Variants in SPAG9 observed in about 807,000 individuals in gnomAD.
The protein encoded by SPAG9 is C-Jun-amino-terminal kinase-interacting protein 4.
Under a neutral mutation model 166.5 loss-of-function variants are expected in SPAG9, and 35 were observed. The observed-to-expected ratio is 0.21, with a 90% CI of 0.16 to 0.28. The LOEUF (loss-of-function observed/expected upper bound fraction) is 0.28. Ranked by LOEUF, SPAG9 falls within the 10% of genes least tolerant of loss-of-function variation. SPAG9 has a pLI of 1.00. For synonymous variants in SPAG9, 534 were observed against 565.5 expected, an observed-to-expected ratio of 0.94 and a Z score of 0.79; for missense variants, 1,235 against 1,603.3, an observed-to-expected ratio of 0.77 and a Z score of 3.92.
rs2143505848 is a variant in SPAG9 at position 50,964,350 on chromosome 17, G to A, written c.*1922C>T. 1 of 152,706 alleles carries A rather than the reference G, an allele frequency of 6.5e-6. No individual in the cohort carries two copies. The highest frequency in any genetic ancestry group is 2.0e-4 in the South Asian group (1 of 4,896). 9.5% of individuals were successfully genotyped at this position (152,706 alleles called of 1,614,324 possible). On this transcript the variant is annotated 3_prime_UTR_variant, in exon 30 of 30. Transcript: ENST00000262013. ...CGCCTGTAATTCAAGCACTTCGGGA[G>A]GCCAAGGCGGGTAGATCATCTGAGG...
At chr17:51,021,472 TC>T (rs568191586) in intron 6 of SPAG9, 107 bp from the exon 7 acceptor site, 89 of 1,002,588 alleles carry the variant, frequency 8.9e-5, no homozygotes, top group Non-Finnish European at 9.2e-5. Flanking sequence ...TATTTTTTTT[TC>T]CAAAATAAAG....
chr17:51,010,580 A>T (rs865861075), intron 9 of SPAG9, among the ~76,000 whole-genome samples: 13,242 of 139,612 alleles, frequency 0.095, 537 homozygotes, highest in African/African-American at 0.16. Context: ...AAAAAAAAAA[A>T]AAATATATAT....
chr17:50,999,261 AC>A (rs748021568), intron 14 of SPAG9, among the ~76,000 whole-genome samples: 2 of 152,080 alleles, frequency 1.3e-5, no homozygotes, highest in Non-Finnish European at 2.9e-5. Flanking sequence ...TATTACTCAA[AC>A]CCTACAAGCA....
chr17:51,040,889 G>C (rs2046813068), intron 5 of SPAG9, among the ~76,000 whole-genome samples: 1 of 152,062 alleles, frequency 6.6e-6, no homozygotes, highest in Non-Finnish European at 1.5e-5. Flanking sequence ...CATTTTAAAA[G>C]ATACAGAACT....
intron 1 of SPAG9, among the ~76,000 whole-genome samples, chr17:51,082,401 A>AAC (rs2046799958): frequency 2.0e-5 from 3 of 151,254 alleles, no homozygotes; most frequent in African/African-American, 7.3e-5. Flanking sequence ...AAAAAAAAAA[A>AAC]AAACCTGTGA....
chr17:51,087,110 G>A (rs2048326400), intron 1 of SPAG9, among the ~76,000 whole-genome samples: 1 of 152,088 alleles, frequency 6.6e-6, no homozygotes, highest in South Asian at 2.1e-4. Flanking sequence ...CAAGTGACTG[G>A]AAGTTTCTAA....
At position 50,977,312 on chromosome 17, in the gene SPAG9, CAA is replaced by C. The variant is rs375094795; in HGVS notation, c.3410-93_3410-92del. 308 of 646,870 alleles carry C rather than the reference CAA, an allele frequency of 4.8e-4. 1 individual carries two copies. The East Asian group carries it at 9.1e-3, about 19-fold the overall frequency. The allele number at this position is 646,870 out of a possible 1,614,324, so 40.1% of individuals were successfully genotyped here. ...CCTTAGAAGTAGCAGGATTACAAAACAAAAAAAAAAGAAAGAAAGTAGTAGTA... is the reference window on the plus strand; with the variant it reads ...CCTTAGAAGTAGCAGGATTACAAAACAAAAAAAAGAAAGAAAGTAGTAGTA... On this transcript the variant is annotated intron_variant, in intron 26 of 29. Transcript: ENST00000262013.
chr17:51,089,120 CA>C (rs2048378321), intron 1 of SPAG9, among the ~76,000 whole-genome samples: 1 of 148,776 alleles, frequency 6.7e-6, no homozygotes, highest in Non-Finnish European at 1.5e-5. Flanking sequence ...AACACACACA[CA>C]CAAAAAAAAA....
rs141354342 is a variant in SPAG9, at chr17:50,999,794, A to G, written c.1608-77T>C. The G allele has an allele frequency of 2.2e-4, 287 of 1,281,024 alleles. 1 individual carries two copies. The East Asian group carries it at 5.0e-3, about 22-fold the overall frequency. The allele number at this position is 1,281,024 out of a possible 1,614,324, so 79.4% of individuals were successfully genotyped here. A position where few individuals can be genotyped will look rare whatever the true frequency, so the allele number is the denominator to read the frequency against. On this transcript the variant is annotated intron_variant, in intron 13 of 29. Coordinates refer to ENST00000262013, the MANE Select transcript of SPAG9 (RefSeq NM_001130528.3). Reference sequence around the variant, plus strand: ...TTTCTTTCTGAAGAACAAGAGACCCAAGAAGTTCATGGGATACACAGAGGG... The same window carrying G: ...TTTCTTTCTGAAGAACAAGAGACCCGAGAAGTTCATGGGATACACAGAGGG...
intron 1 of SPAG9, among the ~76,000 whole-genome samples, chr17:51,095,062 G>A (rs527865944): frequency 1.4e-4 from 21 of 152,122 alleles, no homozygotes; most frequent in African/African-American, 4.1e-4. Flanking sequence ...TCGGGAGGCC[G>A]AGGTGCATGG....
At chr17:50,986,029 G>C (rs1975024001) in intron 22 of SPAG9, among the ~76,000 whole-genome samples, 1 of 152,254 alleles carries the variant, frequency 6.6e-6, no homozygotes, top group South Asian at 2.1e-4. Context: ...GCAATGCACA[G>C]TCAGGTTCAC....
intron 19 of SPAG9, among the ~76,000 whole-genome samples, chr17:50,991,911 A>C: frequency 1.5e-5 from 2 of 131,896 alleles, no homozygotes; most frequent in Non-Finnish European, 3.2e-5. Flanking sequence ...GGTGTAAGCC[A>C]CCATGCCAGG....
chr17:51,036,019 AAGG>A (rs2046571792), intron 5 of SPAG9, among the ~76,000 whole-genome samples: 1 of 152,196 alleles, frequency 6.6e-6, no homozygotes, highest in Admixed American at 6.5e-5. Context: ...CTCAGCAACG[AAGG>A]AGATCTGAAT....
chr17:51,023,914 C>A (rs1372662378), intron 6 of SPAG9, among the ~76,000 whole-genome samples: 3 of 152,228 alleles, frequency 2.0e-5, no homozygotes, highest in Non-Finnish European at 4.4e-5. Context: ...GATCTGCTGG[C>A]CTCAGCCTCC....
intron 4 of SPAG9, among the ~76,000 whole-genome samples, chr17:51,045,641 T>C (rs774895725): frequency 6.6e-6 from 1 of 152,110 alleles, no homozygotes; most frequent in African/African-American, 2.4e-5. Flanking sequence ...CTATGAACTT[T>C]CATTTAAAAC....
intron 25 of SPAG9, 49 bp from the exon 26 acceptor site, chr17:50,979,966 C>A (rs1974474695): frequency 6.4e-7 from 1 of 1,574,584 alleles, no homozygotes; most frequent in African/African-American, 1.3e-5. Context: ...CATAGAATTT[C>A]ATATTTAAAA....
At position 50,987,222 on chromosome 17, in the gene SPAG9, T is replaced by C; in HGVS notation, c.2829A>G (p.Ala943=). 6.2e-7 allele frequency: 1 copy of C among 1,608,322 alleles called. No individual in the cohort carries two copies. Among genetic ancestry groups the C allele is most frequent in the Non-Finnish European group, 8.5e-7 (1 of 1,178,220 alleles). Residue 943 remains alanine (A), a synonymous_variant, in exon 22 of 30, where the codon GCA becomes GCG. Coordinates refer to ENST00000262013, the MANE Select transcript of SPAG9 (RefSeq NM_001130528.3). ...PVYQSSNDSD[A]YKDQISVLPN... ...GCAGTACTGATATTTGATCTTTATA[T>C]GCATCTGAGTCATTGCTGGAAAGGG...
intron 1 of SPAG9, among the ~76,000 whole-genome samples, chr17:51,117,644 G>A (rs566700813): frequency 2.5e-4 from 36 of 146,706 alleles, no homozygotes; most frequent in Admixed American, 8.4e-4. Context: ...GGGAGGCGGA[G>A]GCTGCAGTGA....
At chr17:50,975,942 T>C in intron 27 of SPAG9, 1 of 1,468,858 alleles carries the variant, frequency 6.8e-7, no homozygotes, top group Non-Finnish European at 9.2e-7. Flanking sequence ...GAGAGGTGCA[T>C]GACAGGGAGG....
Sources: allele counts gnomAD v4.1 joint callset (sites outside exome capture counted in the v4.1 genomes callset), GRCh38; gene constraint gnomAD v4.1.1; transcripts MANE v1.5; gene names NCBI Gene and HGNC (gene_info 2026-07-23, HGNC 2026-07-21).